IGF1R: variants seen among roughly 807,000 people sequenced by gnomAD.
IGF1R encodes insulin like growth factor 1 receptor, also known as insulin-like growth factor 1 receptor.
IGF1R carries 44 observed loss-of-function variants against 144.6 expected under a neutral mutation model. The observed-to-expected ratio is 0.30, with a 90% CI of 0.24 to 0.39. IGF1R has a LOEUF of 0.39. Among genes scored for constraint, IGF1R ranks in the 10% least tolerant of loss-of-function variants. The pLI, the probability that IGF1R is intolerant of heterozygous loss-of-function variation, is 1.00. For synonymous variants in IGF1R, 795 were observed against 722.8 expected (o/e 1.10, Z -1.60); for missense variants, 1,355 against 1,833.7 (o/e 0.74, Z 4.77).
chr15:98,806,306 G>T (rs187708196), intron 2 of IGF1R, among the ~76,000 whole-genome samples: 5 of 152,246 alleles, frequency 3.3e-5, no homozygotes, highest in Admixed American at 3.3e-4. Context: ...GACTCCAGCG[G>T]CAATGCCTTG....
intron 1 of IGF1R, among the ~76,000 whole-genome samples, chr15:98,671,839 T>G (rs946775253): frequency 6.6e-6 from 1 of 152,218 alleles, no homozygotes; most frequent in Non-Finnish European, 1.5e-5. Context: ...GTTGTACTAT[T>G]GAGCTCTGAA....
At chr15:98,754,528 C>A (rs1393775888) in intron 2 of IGF1R, among the ~76,000 whole-genome samples, 3 of 152,188 alleles carry the variant, frequency 2.0e-5, no homozygotes, top group Non-Finnish European at 4.4e-5. Context: ...TTTCAGCTCA[C>A]CTTTGACTCA....
chr15:98,712,634 A>G (rs2054019646), intron 2 of IGF1R, among the ~76,000 whole-genome samples: 1 of 147,888 alleles, frequency 6.8e-6, no homozygotes, highest in South Asian at 2.1e-4. Context: ...TTGGAGAAAG[A>G]GTCTTACTCT....
At chr15:98,658,089 G>A (rs2052525913) in intron 1 of IGF1R, among the ~76,000 whole-genome samples, 1 of 152,284 alleles carries the variant, frequency 6.6e-6, no homozygotes, top group Non-Finnish European at 1.5e-5. Context: ...AATGAAACAG[G>A]TCCTTAGTAA....
At chr15:98,674,326 G>A (rs141966911) in intron 1 of IGF1R, among the ~76,000 whole-genome samples, 4 of 152,306 alleles carry the variant, frequency 2.6e-5, no homozygotes, top group Middle Eastern at 3.4e-3. Context: ...CCTGCTACCT[G>A]CACATGGTGA....
At chr15:98,939,460 C>T (rs1423949162) in intron 18 of IGF1R, 100 bp downstream of exon 18, 1 of 1,093,926 alleles carries the variant, frequency 9.1e-7, no homozygotes, top group Non-Finnish European at 1.4e-6. Context: ...TCTAGTGTGT[C>T]CCTTGAGTGC....
At chr15:98,805,966 C>G (rs537507360) in intron 2 of IGF1R, among the ~76,000 whole-genome samples, 61 of 152,290 alleles carry the variant, frequency 4.0e-4, no homozygotes, top group African/African-American at 1.4e-3. Context: ...CGAGTCTGCC[C>G]TTGCTGCAGA....
chr15:98,864,734 T>C (rs2012336613), intron 2 of IGF1R, among the ~76,000 whole-genome samples: 1 of 152,256 alleles, frequency 6.6e-6, no homozygotes, highest in Non-Finnish European at 1.5e-5. Flanking sequence ...TTGTCTGTTG[T>C]ATTCTTTGAT....
rs143814506 is a variant in IGF1R at position 98,712,855 on chromosome 15, C to T, written c.640+4748C>T. ...GAACTCCCGACCTCAGGCGATCCACCGGTCTTGGCCTCCCAATGTGCTGGG... is the reference window on the plus strand; with the variant it reads ...GAACTCCCGACCTCAGGCGATCCACTGGTCTTGGCCTCCCAATGTGCTGGG... On this transcript the variant is annotated intron_variant, in intron 2 of 20. Transcript: ENST00000650285. Among the ~76,000 whole-genome samples the T allele has an allele frequency of 5.6e-3, 841 of 150,454 alleles. 1 individual carries two copies. Among genetic ancestry groups the T allele is most frequent in the Non-Finnish European group, 8.6e-3 (580 of 67,696 alleles).
chr15:98,896,209 T>G (rs1301825742), intron 3 of IGF1R, among the ~76,000 whole-genome samples: 1 of 152,210 alleles, frequency 6.6e-6, no homozygotes, highest in Non-Finnish European at 1.5e-5. Flanking sequence ...AGCAAGAAAA[T>G]AATGGATCTG....
rs542338332 is a variant in IGF1R at position 98,923,385 on chromosome 15, C to T, written c.2486-491C>T. ...GTGCCTGCATAAAAATTGCAGTTGC[C>T]GCGTGTAGACGCGGGCCACGGAGGG... is the stretch of plus-strand genomic sequence containing the variant. On this transcript the variant is annotated intron_variant, in intron 11 of 20. Coordinates refer to ENST00000650285, the MANE Select transcript of IGF1R (RefSeq NM_000875.5). Among the ~76,000 whole-genome samples, 38 of 152,350 alleles carry T rather than the reference C, an allele frequency of 2.5e-4. No homozygotes were observed. In the East Asian group the frequency reaches 3.9e-3, roughly 16 times the overall value.
intron 13 of IGF1R, 83 bp downstream of exon 13, chr15:98,924,767 T>C: frequency 7.9e-7 from 1 of 1,261,442 alleles, no homozygotes; most frequent in South Asian, 1.2e-5. Flanking sequence ...TGTTCATGGC[T>C]GTCTTATTTT....
intron 2 of IGF1R, among the ~76,000 whole-genome samples, chr15:98,881,781 A>G (rs1349418892): frequency 6.6e-6 from 1 of 152,244 alleles, no homozygotes; most frequent in Non-Finnish European, 1.5e-5. Flanking sequence ...TTGGTCATGT[A>G]CAAATGAGGA....
chr15:98,890,935 T>C (rs1248207658), intron 2 of IGF1R, among the ~76,000 whole-genome samples: 1 of 152,206 alleles, frequency 6.6e-6, no homozygotes, highest in African/African-American at 2.4e-5. Flanking sequence ...ACAATGCCTT[T>C]TAAATTACTG....
chr15:98,663,683 C>T (rs577925704), intron 1 of IGF1R, among the ~76,000 whole-genome samples: 69 of 152,300 alleles, frequency 4.5e-4, no homozygotes, highest in African/African-American at 1.5e-3. Flanking sequence ...TGAGTTGGGC[C>T]GGCTGGGCCC....
rs1358008771 is a variant in IGF1R at position 98,957,616 on chromosome 15, G to A, written c.*174G>A. ...CTCTGCAGTAAAACACATTTGGGATGTTCCTTTTTTCAATATGCAAGCAGC... is the reference window on the plus strand; with the variant it reads ...CTCTGCAGTAAAACACATTTGGGATATTCCTTTTTTCAATATGCAAGCAGC... On this transcript the variant is annotated 3_prime_UTR_variant, in exon 21 of 21. Coordinates refer to ENST00000650285, the MANE Select transcript of IGF1R (RefSeq NM_000875.5). 3.6e-5 allele frequency: 27 copies of A among 754,512 alleles called. No homozygotes were observed. The highest frequency in any genetic ancestry group is 5.6e-5 in the Non-Finnish European group (26 of 466,140). 46.7% of individuals were successfully genotyped at this position (754,512 alleles called of 1,614,324 possible).
chr15:98,827,955 G>A (rs1242126020), intron 2 of IGF1R, among the ~76,000 whole-genome samples: 10 of 152,130 alleles, frequency 6.6e-5, no homozygotes, highest in Admixed American at 3.3e-4. Context: ...CACCTGTCCC[G>A]CTCCTGTCTA....
chr15:98,857,513 C>G (rs1388542688), intron 2 of IGF1R, among the ~76,000 whole-genome samples: 2 of 152,226 alleles, frequency 1.3e-5, no homozygotes, highest in East Asian at 3.9e-4. Flanking sequence ...GCCACCACGC[C>G]CAGCCTACGT....
chr15:98,782,950 T>G (rs1229271451), intron 2 of IGF1R, among the ~76,000 whole-genome samples: 1 of 152,336 alleles, frequency 6.6e-6, no homozygotes, highest in South Asian at 2.1e-4. Flanking sequence ...ATTAACCTTT[T>G]TGGAGCTGTG....
Sources: allele counts gnomAD v4.1 joint callset (sites outside exome capture counted in the v4.1 genomes callset), GRCh38; gene constraint gnomAD v4.1.1; transcripts MANE v1.5; gene names NCBI Gene and HGNC (gene_info 2026-07-23, HGNC 2026-07-21).